The following CACNA2D4 variants were observed in gnomAD, a reference collection of about 807,000 sequenced individuals.
CACNA2D4 encodes the protein calcium voltage-gated channel auxiliary subunit alpha2delta 4.
CACNA2D4 carries 157 observed loss-of-function variants against 163.8 expected under a neutral mutation model. The ratio of observed to expected loss-of-function variants is 0.96; its 90% confidence interval spans 0.84 to 1.09. CACNA2D4 has a LOEUF of 1.09. Among genes scored for constraint, CACNA2D4 ranks in the 50% least tolerant of loss-of-function variants. CACNA2D4 has a pLI of 0.00. For synonymous variants in CACNA2D4, 598 were observed against 586.9 expected, an observed-to-expected ratio of 1.02 and a Z score of -0.27; for missense variants, 1,410 against 1,479.9, an observed-to-expected ratio of 0.95 and a Z score of 0.78.
chr12:1,800,592 C>T (rs1253062247), intron 31 of CACNA2D4, 154 bp from the exon 32 acceptor site: 2 of 690,310 alleles, frequency 2.9e-6, no homozygotes, highest in Admixed American at 2.4e-5. Context: ...GCCCAGCACC[C>T]CCCATCCCCC....
rs115542658 is a variant in CACNA2D4, at chr12:1,878,700, A to C, written c.1644+256T>G. Among the ~76,000 whole-genome samples the C allele has an allele frequency of 3.5e-3, 534 of 152,328 alleles. 2 individuals are homozygous for C. Among genetic ancestry groups the C allele is most frequent in the African/African-American group, 0.013 (520 of 41,576 alleles). On this transcript the variant is annotated intron_variant, in intron 15 of 37. Coordinates refer to ENST00000382722, the MANE Select transcript of CACNA2D4 (RefSeq NM_172364.5). The surrounding 1 kb of genome is among the most constrained non-coding windows in gnomAD (Gnocchi z 4.6). ...GCAGGACTGTGTGGCACGGAGGAGCAGACTGAGAAACTGAGACACTGGGCA... is the reference window on the plus strand; with the variant it reads ...GCAGGACTGTGTGGCACGGAGGAGCCGACTGAGAAACTGAGACACTGGGCA...
Position 1,828,295 on chromosome 12 carries a change from C to A in CACNA2D4, c.2551+12444G>T. On this transcript the variant is annotated intron_variant, in intron 26 of 37. Coordinates refer to ENST00000382722, the MANE Select transcript of CACNA2D4 (RefSeq NM_172364.5). The surrounding 1 kb of genome is among the most constrained non-coding windows in gnomAD (Gnocchi z 4.2). The stretch of plus-strand genomic sequence containing the variant: ...TGACTGTAGGTAGCGCCATATGGGA[C>A]CTTAGCCACACTCAGGCTGCAGGGA... 1 of 1,246,324 alleles carries A rather than the reference C, an allele frequency of 8.0e-7. No homozygotes were observed. The highest frequency in any genetic ancestry group is 1.1e-6 in the Non-Finnish European group (1 of 908,978). The allele number at this position is 1,246,324 out of a possible 1,614,324, so 77.2% of individuals were successfully genotyped here.
rs1322116286 is a variant in CACNA2D4, at chr12:1,918,300, A to AAGC, written c.171_173dup (p.Leu59dup). The stretch of plus-strand genomic sequence containing the variant: ...ACGCAGGGGACAGGGAGGTGCCTAG[A>AAGC]AGCAGCAGCCACAGGAGGGCCGAGG... On this transcript the variant is annotated inframe_insertion, in exon 1 of 38. Transcript: ENST00000382722. 6.2e-7 allele frequency: 1 copy of AAGC among 1,610,546 alleles called. No individual in the cohort carries two copies. The highest frequency in any genetic ancestry group is 1.7e-5 in the Admixed American group (1 of 59,466).
rs3214264 is a variant in CACNA2D4 at position 1,792,576 on chromosome 12, AC to A, written c.*1078del. 3,342 of 151,630 alleles carry A rather than the reference AC, an allele frequency of 0.022. 80 individuals carry two copies. The highest frequency in any genetic ancestry group is 0.078 in the East Asian group (400 of 5,122). The allele number at this position is 151,630 out of a possible 1,614,324, so 9.4% of individuals were successfully genotyped here. ...TGGCTTTGCCCTTAATGTTGCTCTCACTGTGGAGACTGTTGTCTCCTGGGAT... is the reference window on the plus strand; with the variant it reads ...TGGCTTTGCCCTTAATGTTGCTCTCATGTGGAGACTGTTGTCTCCTGGGAT... On this transcript the variant is annotated 3_prime_UTR_variant, in exon 38 of 38. Transcript: ENST00000382722.
At chr12:1,907,793 G>T (rs1269956178) in intron 5 of CACNA2D4, 82 bp downstream of exon 5, 10 of 1,455,960 alleles carry the variant, frequency 6.9e-6, no homozygotes, top group East Asian at 2.3e-5. Flanking sequence ...TATGCCTGGT[G>T]GGTGTGCCTG....
intron 24 of CACNA2D4, among the ~76,000 whole-genome samples, chr12:1,845,412 G>A (rs897049271): frequency 2.1e-5 from 3 of 145,228 alleles, no homozygotes; most frequent in Non-Finnish European, 4.5e-5. Context: ...AGGGAGGAGG[G>A]AGGGAAAGGG....
rs956675682 is a variant in CACNA2D4 at position 1,908,251 on chromosome 12, C to T, written c.487-214G>A. Among the ~76,000 whole-genome samples, 4 of 152,356 alleles carry T rather than the reference C, an allele frequency of 2.6e-5. No homozygotes were observed. The East Asian group carries it at 7.7e-4, about 29-fold the overall frequency. The stretch of plus-strand genomic sequence containing the variant: ...CCGGCGCGGAGAGGCGTGAGGCCGA[C>T]GTTTGATGACAGTTGTCCTGACCGC... On this transcript the variant is annotated intron_variant, in intron 4 of 37. Transcript: ENST00000382722.
At chr12:1,855,989 C>T (rs773981110) in intron 22 of CACNA2D4, 23 bp downstream of exon 22, 7 of 1,592,404 alleles carry the variant, frequency 4.4e-6, no homozygotes, top group Non-Finnish European at 6.0e-6. Context: ...AAAAGCTTGC[C>T]TCAGTGGGCG....
rs1866777924 is a variant in CACNA2D4 at position 1,910,063 on chromosome 12, T to TC, written c.427-99dup. The TC allele has an allele frequency of 3.2e-6, 3 of 944,298 alleles. No homozygotes were observed. The South Asian group carries it at 4.1e-5, about 13-fold the overall frequency. The allele number at this position is 944,298 out of a possible 1,614,324, so 58.5% of individuals were successfully genotyped here. ...TTGCCGGGTGACCCAGCAATCCCAC[T>TC]CCTGGGTGTATGCCCAGAAGGATTG... On this transcript the variant is annotated intron_variant, in intron 3 of 37. Coordinates refer to ENST00000382722, the MANE Select transcript of CACNA2D4 (RefSeq NM_172364.5).
At chr12:1,898,741 T>C (rs1289674416) in intron 6 of CACNA2D4, among the ~76,000 whole-genome samples, 1 of 151,996 alleles carries the variant, frequency 6.6e-6, no homozygotes, top group Non-Finnish European at 1.5e-5. Flanking sequence ...TGAAATATTA[T>C]TCAGCCTCAA....
intron 26 of CACNA2D4, among the ~76,000 whole-genome samples, chr12:1,816,777 C>T (rs73046049): frequency 0.011 from 1,669 of 152,316 alleles, 14 homozygotes; most frequent in Non-Finnish European, 0.017. Context: ...CATGGACACA[C>T]ACATATATGC....
intron 23 of CACNA2D4, among the ~76,000 whole-genome samples, chr12:1,848,728 A>C (rs1865208211): frequency 6.7e-6 from 1 of 150,098 alleles, no homozygotes; most frequent in African/African-American, 2.4e-5. Flanking sequence ...GAACCCAAGT[A>C]TTTTAATATA....
Position 1,875,238 on chromosome 12 carries a change from T to C in CACNA2D4, c.1806+13A>G. 1 of 1,594,552 alleles carries C rather than the reference T, an allele frequency of 6.3e-7. No individual in the cohort carries two copies. The highest frequency in any genetic ancestry group is 8.6e-7 in the Non-Finnish European group (1 of 1,162,450). On this transcript the variant is annotated intron_variant, in intron 17 of 37. Transcript: ENST00000382722. This position sits in a 1 kb window ranked among gnomAD's most constrained non-coding sequence, Gnocchi z 4.0. ...CCTAACTAGCTTCCCTTCCCCCTAT[T>C]TTCCCCACTCACAGATTCAGCCTGG...
Position 1,844,398 on chromosome 12 carries a change from T to C in CACNA2D4, c.2470+4A>G. On this transcript the variant is annotated splice_donor_region_variant and intron_variant, in intron 25 of 37. Coordinates refer to ENST00000382722, the MANE Select transcript of CACNA2D4 (RefSeq NM_172364.5). This position sits in a 1 kb window ranked among gnomAD's most constrained non-coding sequence, Gnocchi z 4.2. ...AGCCCCGGGAGCACCGGGCTGTGTGTTACCTGGTCCTTCTGCCCAGCGGAG... is the reference window on the plus strand; with the variant it reads ...AGCCCCGGGAGCACCGGGCTGTGTGCTACCTGGTCCTTCTGCCCAGCGGAG... 1 of 1,613,370 alleles carries C rather than the reference T, an allele frequency of 6.2e-7. No individual in the cohort carries two copies. The highest frequency in any genetic ancestry group is 8.5e-7 in the Non-Finnish European group (1 of 1,179,696).
intron 26 of CACNA2D4, among the ~76,000 whole-genome samples, chr12:1,832,765 G>T (rs992552386): frequency 1.1e-4 from 16 of 152,178 alleles, no homozygotes; most frequent in African/African-American, 3.6e-4. Context: ...TCATGTACAT[G>T]ATTTTAAACC....
chr12:1,863,757 A>C (rs1277577871), intron 18 of CACNA2D4, among the ~76,000 whole-genome samples: 1 of 152,164 alleles, frequency 6.6e-6, no homozygotes, highest in African/African-American at 2.4e-5. Context: ...TGTTACAGGC[A>C]ATGCATTATG....
At chr12:1,817,139 T>G (rs1338852222) in intron 26 of CACNA2D4, among the ~76,000 whole-genome samples, 1 of 152,178 alleles carries the variant, frequency 6.6e-6, no homozygotes, top group African/African-American at 2.4e-5. Context: ...TAACACAAGC[T>G]GAGGACCCGA....
chr12:1,897,035 A>G (rs1165487221), intron 6 of CACNA2D4, among the ~76,000 whole-genome samples: 1 of 150,720 alleles, frequency 6.6e-6, no homozygotes, highest in Non-Finnish European at 1.5e-5. Flanking sequence ...CCAGGCATAG[A>G]AAAACAAACA....
intron 37 of CACNA2D4, 73 bp from the exon 38 acceptor site, chr12:1,793,832 C>T: frequency 7.9e-7 from 1 of 1,257,868 alleles, no homozygotes; most frequent in Non-Finnish European, 1.1e-6. Flanking sequence ...GCTTCCACCA[C>T]TAATTTGGGC....
Sources: gnomAD v4.1 joint callset for allele counts (sites outside exome capture counted in the v4.1 genomes callset) on GRCh38, gnomAD v4.1.1 for gene constraint, Gnocchi (gnomAD v3.1) non-coding constraint, MANE v1.5 for transcripts, NCBI Gene and HGNC (gene_info 2026-07-23, HGNC 2026-07-21) for gene names.